The following SIAH3 variants were observed in gnomAD, a reference collection of about 807,000 sequenced individuals.
The protein encoded by SIAH3 is seven in absentia homolog 3.
Under a neutral mutation model 12.6 loss-of-function variants are expected in SIAH3, and 9 were observed. The ratio of observed to expected loss-of-function variants is 0.72; its 90% CI spans 0.43 to 1.25. The LOEUF is 1.25. Among genes scored for constraint, SIAH3 ranks in the 50% most tolerant of loss-of-function variants. The probability of loss-of-function intolerance (pLI) is 0.00; values close to 1 mark genes in which losing one functional copy is unlikely to be tolerated. For synonymous variants in SIAH3, 154 were observed against 151.1 expected (o/e 1.02, Z -0.14); for missense variants, 390 against 365.4 (o/e 1.07, Z -0.55).
chr13:45,845,080 C>T (rs867088770), intron 1 of SIAH3, among the ~76,000 whole-genome samples: 1 of 152,224 alleles, frequency 6.6e-6, no homozygotes, highest in Non-Finnish European at 1.5e-5. Context: ...TGCCCTTTCA[C>T]ACATAGTGCC....
rs376509692 is a variant in SIAH3 at position 45,834,445 on chromosome 13, C to A, written c.135+17050G>T. Among the ~76,000 whole-genome samples, 6 of 152,222 alleles carry A rather than the reference C, an allele frequency of 3.9e-5. No homozygotes were observed. The East Asian group carries it at 7.7e-4, about 20-fold the overall frequency. The stretch of plus-strand genomic sequence containing the variant: ...AAAAGAAGGGAGAATATCCCCTGGG[C>A]CTCAAATTTCACTGAAATTCAGAAG... On this transcript the variant is annotated intron_variant, in intron 1 of 1. Coordinates refer to ENST00000400405, the MANE Select transcript of SIAH3 (RefSeq NM_198849.3).
rs578145501 is a variant in SIAH3, at chr13:45,780,998, G to A, written c.*2385C>T. ...GTTCTTCACATATGGATATGGAGAG[G>A]CCTTTTGGGGAGCACCATAGATGGA... On this transcript the variant is annotated 3_prime_UTR_variant, in exon 2 of 2. Coordinates refer to ENST00000400405, the MANE Select transcript of SIAH3 (RefSeq NM_198849.3). 5.2e-5 allele frequency: 8 copies of A among 152,446 alleles called. No individual in the cohort carries two copies. Among genetic ancestry groups the A allele is most frequent in the African/African-American group, 1.9e-4 (8 of 41,454 alleles). The allele number at this position is 152,446 out of a possible 1,614,324, so 9.4% of individuals were successfully genotyped here. A position where few individuals can be genotyped will look rare whatever the true frequency, so the allele number is the denominator to read the frequency against.
At chr13:45,804,963 AAC>A (rs56315825) in intron 1 of SIAH3, among the ~76,000 whole-genome samples, 17,606 of 135,624 alleles carry the variant, frequency 0.13, 1,096 homozygotes, top group East Asian at 0.22. Context: ...TCCCATTTAT[AAC>A]ACACACACAC....
intron 1 of SIAH3, among the ~76,000 whole-genome samples, chr13:45,810,591 C>T (rs897353927): frequency 3.3e-5 from 5 of 152,126 alleles, no homozygotes; most frequent in African/African-American, 1.2e-4. Context: ...TTGCCTGGGG[C>T]TGGTTGGTTT....
chr13:45,817,349 A>C (rs1046728609), intron 1 of SIAH3, among the ~76,000 whole-genome samples: 7 of 152,248 alleles, frequency 4.6e-5, no homozygotes, highest in Non-Finnish European at 1.0e-4. Context: ...CTAGGTGTGG[A>C]GGAGGCTAGA....
At chr13:45,841,314 T>C (rs1282209764) in intron 1 of SIAH3, among the ~76,000 whole-genome samples, 4 of 152,184 alleles carry the variant, frequency 2.6e-5, no homozygotes, top group South Asian at 4.1e-4. Flanking sequence ...CTACATTTGG[T>C]TTCATCTCTA....
At chr13:45,801,367 A>G (rs1031597181) in intron 1 of SIAH3, among the ~76,000 whole-genome samples, 7 of 152,284 alleles carry the variant, frequency 4.6e-5, no homozygotes, top group African/African-American at 1.4e-4. Flanking sequence ...GAATGCAGGG[A>G]GGAGCTGTGC....
At chr13:45,815,380 G>T (rs959350387) in intron 1 of SIAH3, among the ~76,000 whole-genome samples, 1 of 151,986 alleles carries the variant, frequency 6.6e-6, no homozygotes, top group Non-Finnish European at 1.5e-5. Context: ...TGAGGAAGAA[G>T]GAATTCTGCC....
intron 1 of SIAH3, among the ~76,000 whole-genome samples, chr13:45,829,413 G>A (rs953128891): frequency 6.6e-6 from 1 of 151,904 alleles, no homozygotes; most frequent in Admixed American, 6.6e-5. Context: ...GACCAGCCTG[G>A]GCAACATAGC....
chr13:45,812,291 G>A (rs1399164185), intron 1 of SIAH3, among the ~76,000 whole-genome samples: 2 of 152,184 alleles, frequency 1.3e-5, no homozygotes, highest in African/African-American at 2.4e-5. Context: ...CAGGAAAGGG[G>A]ACAGACAAGC....
At chr13:45,849,859 G>A (rs1321157397) in intron 1 of SIAH3, among the ~76,000 whole-genome samples, 1 of 152,074 alleles carries the variant, frequency 6.6e-6, no homozygotes, top group African/African-American at 2.4e-5. Flanking sequence ...CAAAACAGAA[G>A]TAAACAAAAT....
In SIAH3 at chr13:45,810,975, G is replaced by A. The variant is rs186067343; in HGVS notation, c.136-26918C>T. Among the ~76,000 whole-genome samples, 571 of 152,290 alleles carry A rather than the reference G, an allele frequency of 3.7e-3. 4 individuals are homozygous for A. The highest frequency in any genetic ancestry group is 0.012 in the African/African-American group (496 of 41,554). The stretch of plus-strand genomic sequence containing the variant: ...TCCATGGACATGTGGTTGAAGGATT[G>A]TTCTGGTATGACTGACAGAGGCAAA... On this transcript the variant is annotated intron_variant, in intron 1 of 1. Coordinates refer to ENST00000400405, the MANE Select transcript of SIAH3 (RefSeq NM_198849.3).
At chr13:45,800,767 G>T (rs1309420376) in intron 1 of SIAH3, among the ~76,000 whole-genome samples, 1 of 152,190 alleles carries the variant, frequency 6.6e-6, no homozygotes, top group African/African-American at 2.4e-5. Context: ...ATGAATAATT[G>T]TTGACCCATG....
chr13:45,810,959 A>T (rs995098929), intron 1 of SIAH3, among the ~76,000 whole-genome samples: 2 of 152,214 alleles, frequency 1.3e-5, no homozygotes, highest in Non-Finnish European at 2.9e-5. Flanking sequence ...TTCCATGGAC[A>T]TGTGGTTGAA....
chr13:45,815,943 C>A (rs1950632982), intron 1 of SIAH3, among the ~76,000 whole-genome samples: 1 of 152,228 alleles, frequency 6.6e-6, no homozygotes, highest in Non-Finnish European at 1.5e-5. Flanking sequence ...ATTTCAGGAG[C>A]CCAGGCCCAC....
At chr13:45,845,321 C>G (rs1950755504) in intron 1 of SIAH3, among the ~76,000 whole-genome samples, 1 of 151,700 alleles carries the variant, frequency 6.6e-6, no homozygotes, top group South Asian at 2.1e-4. Context: ...TTCTGTACAT[C>G]TGCATTTGTG....
intron 1 of SIAH3, among the ~76,000 whole-genome samples, chr13:45,833,276 T>C (rs1950706026): frequency 6.6e-6 from 1 of 152,202 alleles, no homozygotes; most frequent in Non-Finnish European, 1.5e-5. Context: ...TCTTCCATCA[T>C]CCATGATCCA....
chr13:45,793,798 C>T (rs986860855), intron 1 of SIAH3, among the ~76,000 whole-genome samples: 1 of 152,234 alleles, frequency 6.6e-6, no homozygotes, highest in Non-Finnish European at 1.5e-5. Context: ...CATCCTAATC[C>T]CCAGAACCTG....
intron 1 of SIAH3, among the ~76,000 whole-genome samples, chr13:45,796,938 G>C (rs545925618): frequency 1.3e-5 from 2 of 152,124 alleles, no homozygotes; most frequent in African/African-American, 4.8e-5. Context: ...TTAGGCTTGG[G>C]GGGCAGGGAT....
Sources: allele counts gnomAD v4.1 joint callset (sites outside exome capture counted in the v4.1 genomes callset), GRCh38; gene constraint gnomAD v4.1.1; transcripts MANE v1.5; gene names NCBI Gene and HGNC (gene_info 2026-07-23, HGNC 2026-07-21).